Variants in NSMCE2 observed in about 807,000 individuals in gnomAD.
NSMCE2 encodes the protein E3 SUMO-protein ligase NSE2.
In NSMCE2, 24 loss-of-function variants were observed where a neutral mutation model predicts 23.8. The ratio of observed to expected loss-of-function variants is 1.01; its 90% CI spans 0.73 to 1.42. The LOEUF is 1.42. NSMCE2 is among the 40% of genes most tolerant of loss of function. The pLI is 0.00. For missense variants in NSMCE2, 284 were observed against 296.5 expected (o/e 0.96, Z 0.31); for synonymous variants, 92 against 94.1 (o/e 0.98, Z 0.13).
At chr8:125,354,872 T>C (rs541886044) in intron 5 of NSMCE2, among the ~76,000 whole-genome samples, 2 of 152,240 alleles carry the variant, frequency 1.3e-5, no homozygotes, top group African/African-American at 4.8e-5. Flanking sequence ...AAACCCACAA[T>C]GCTCCAAAAT....
intron 3 of NSMCE2, among the ~76,000 whole-genome samples, chr8:125,140,921 G>A (rs1820341132): frequency 6.6e-6 from 1 of 152,076 alleles, no homozygotes; most frequent in African/African-American, 2.4e-5. Context: ...AGATAGAATT[G>A]GACAAGAAAG....
At chr8:125,240,010 G>A (rs896863977) in intron 5 of NSMCE2, among the ~76,000 whole-genome samples, 1 of 152,116 alleles carries the variant, frequency 6.6e-6, no homozygotes, top group Non-Finnish European at 1.5e-5. Context: ...CTACTGTTGA[G>A]GGTCAGGGTC....
At chr8:125,112,699 T>C (rs992869808) in intron 3 of NSMCE2, among the ~76,000 whole-genome samples, 1 of 151,852 alleles carries the variant, frequency 6.6e-6, no homozygotes, top group Non-Finnish European at 1.5e-5. Context: ...GGTGAACTCA[T>C]AGAAACAGAG....
intron 5 of NSMCE2, among the ~76,000 whole-genome samples, chr8:125,356,645 G>A (rs1482539498): frequency 6.6e-6 from 1 of 152,066 alleles, no homozygotes; most frequent in Non-Finnish European, 1.5e-5. Context: ...ATTTTTTAAT[G>A]AATTTTAAAT....
intron 5 of NSMCE2, among the ~76,000 whole-genome samples, chr8:125,298,688 T>A (rs907870012): frequency 3.2e-5 from 2 of 62,514 alleles, no homozygotes; most frequent in African/African-American, 7.1e-5. Context: ...CATCTGTGGG[T>A]TTTTTTTTGT....
chr8:125,143,037 TCC>T (rs1397174325), intron 3 of NSMCE2, among the ~76,000 whole-genome samples: 1 of 152,084 alleles, frequency 6.6e-6, no homozygotes, highest in Non-Finnish European at 1.5e-5. Flanking sequence ...TAAATTCAAC[TCC>T]TGATAAATAT....
chr8:125,128,144 T>C (rs976256191), intron 3 of NSMCE2, among the ~76,000 whole-genome samples: 3 of 152,188 alleles, frequency 2.0e-5, no homozygotes, highest in African/African-American at 7.2e-5. Flanking sequence ...AGTAGGCTCT[T>C]GTAAGTCAAA....
chr8:125,261,285 G>C (rs904530891), intron 5 of NSMCE2, among the ~76,000 whole-genome samples: 4 of 152,198 alleles, frequency 2.6e-5, no homozygotes, highest in African/African-American at 9.7e-5. Context: ...ATGGAACAGT[G>C]ATCAAATTTG....
intron 3 of NSMCE2, among the ~76,000 whole-genome samples, chr8:125,128,200 T>TA (rs1819600708): frequency 6.6e-6 from 1 of 152,180 alleles, no homozygotes; most frequent in African/African-American, 2.4e-5. Flanking sequence ...TTAAAGAGTT[T>TA]AAAAATAGGA....
At chr8:125,349,226 C>T (rs1812925245) in intron 5 of NSMCE2, among the ~76,000 whole-genome samples, 1 of 152,192 alleles carries the variant, frequency 6.6e-6, no homozygotes, top group African/African-American at 2.4e-5. Context: ...TACATACTCA[C>T]ATGCTATAAC....
intron 5 of NSMCE2, among the ~76,000 whole-genome samples, chr8:125,287,631 C>G (rs1300888720): frequency 6.6e-6 from 1 of 152,158 alleles, no homozygotes; most frequent in East Asian, 1.9e-4. Context: ...GGCTACAAAC[C>G]CACTCAACCC....
intron 7 of NSMCE2, among the ~76,000 whole-genome samples, chr8:125,363,692 G>A (rs1277542074): frequency 6.6e-6 from 1 of 150,932 alleles, no homozygotes; most frequent in African/African-American, 2.4e-5. Flanking sequence ...AAGGAAGGAA[G>A]GCAGGAAGGA....
chr8:125,194,421 C>T (rs1322471873), intron 5 of NSMCE2, among the ~76,000 whole-genome samples: 1 of 152,148 alleles, frequency 6.6e-6, no homozygotes, highest in Admixed American at 6.6e-5. Flanking sequence ...TGCTAGTTAT[C>T]TGCAGTTTGT....
intron 7 of NSMCE2, among the ~76,000 whole-genome samples, chr8:125,358,483 C>T (rs933370891): frequency 6.7e-6 from 1 of 150,148 alleles, no homozygotes; most frequent in Non-Finnish European, 1.5e-5. Context: ...TATTATTTAT[C>T]TTTAAATATA....
chr8:125,218,291 A>G (rs776535544), intron 5 of NSMCE2, among the ~76,000 whole-genome samples: 4 of 152,186 alleles, frequency 2.6e-5, no homozygotes, highest in Non-Finnish European at 5.9e-5. Flanking sequence ...CTGACATACA[A>G]ACAGACAGGT....
intron 4 of NSMCE2, among the ~76,000 whole-genome samples, chr8:125,169,873 C>T (rs1563694230): frequency 6.6e-6 from 1 of 152,214 alleles, no homozygotes; most frequent in South Asian, 2.1e-4. Flanking sequence ...TTTACACTAG[C>T]TCTTTGAATG....
chr8:125,366,471 C>T (rs546072408), intron 7 of NSMCE2, among the ~76,000 whole-genome samples: 24 of 152,072 alleles, frequency 1.6e-4, no homozygotes, highest in African/African-American at 5.5e-4. Flanking sequence ...ACCCGGGAGG[C>T]GGAGCTTGCA....
At chr8:125,344,755 A>AAT (rs1333606793) in intron 5 of NSMCE2, among the ~76,000 whole-genome samples, 1 of 151,296 alleles carries the variant, frequency 6.6e-6, no homozygotes, top group Non-Finnish European at 1.5e-5. Context: ...AAAAAAAAAA[A>AAT]GAAAAGAAAA....
intron 5 of NSMCE2, among the ~76,000 whole-genome samples, chr8:125,191,965 G>A (rs1291229664): frequency 6.6e-6 from 1 of 152,174 alleles, no homozygotes; most frequent in African/African-American, 2.4e-5. Flanking sequence ...AAGGAAAGGG[G>A]AAGTTTTAAA....
Sources: allele counts gnomAD v4.1 joint callset (sites outside exome capture counted in the v4.1 genomes callset), GRCh38; gene constraint gnomAD v4.1.1; transcripts MANE v1.5; gene names NCBI Gene and HGNC (gene_info 2026-07-23, HGNC 2026-07-21).